ALG8: variants seen among roughly 807,000 people sequenced by gnomAD.
The protein encoded by ALG8 is ALG8 alpha-1,3-glucosyltransferase.
A neutral mutation model predicts 70.2 loss-of-function variants in ALG8; 48 were observed. The ratio of observed to expected loss-of-function variants is 0.68; its 90% CI spans 0.54 to 0.87. ALG8 has a LOEUF of 0.87. Among genes scored for constraint, ALG8 ranks in the 40% least tolerant of loss-of-function variants. The pLI is 0.00. For synonymous variants in ALG8, 234 were observed against 229.0 expected (o/e 1.02, Z -0.20); for missense variants, 572 against 608.7 (o/e 0.94, Z 0.64).
At chr11:78,138,828 C>G (rs1355038674) in intron 1 of ALG8, 1 of 456,112 alleles carries the variant, frequency 2.2e-6, no homozygotes, top group South Asian at 1.5e-5. Context: ...GTTATCTGTC[C>G]CCAGTGCACC....
At position 78,133,233 on chromosome 11, in the gene ALG8, C is replaced by G. The variant is rs564834920; in HGVS notation, c.96-5797G>C. On this transcript the variant is annotated intron_variant, in intron 1 of 12. Transcript: ENST00000299626. ...TATACTTACTGAACTACACACTTCA[C>G]AGGGCTAGGGATCATATCTATTTTT... 2.4e-4 allele frequency among the ~76,000 whole-genome samples: 36 copies of G among 152,308 alleles called. No individual in the cohort carries two copies. In the South Asian group the frequency reaches 6.4e-3, roughly 27 times the overall value.
intron 8 of ALG8, 66 bp from the exon 9 acceptor site, chr11:78,109,647 A>G: frequency 6.9e-7 from 1 of 1,443,602 alleles, no homozygotes; most frequent in Non-Finnish European, 9.7e-7. Context: ...TATATTAACA[A>G]TCAATTCCTT....
chr11:78,123,666 G>A (rs1196915167), intron 3 of ALG8, among the ~76,000 whole-genome samples: 5 of 152,042 alleles, frequency 3.3e-5, no homozygotes, highest in African/African-American at 1.2e-4. Flanking sequence ...CCTAAGATAG[G>A]GTAGGTGATG....
chr11:78,124,130 G>C lies in ALG8; in HGVS notation c.259C>G (p.Gln87Glu). The C allele has an allele frequency of 6.2e-7, 1 of 1,614,014 alleles. No individual in the cohort carries two copies. ...ILSHVAKYFD[Q>E]EMLNVHNLNY... ...AAATTATGGACATTCAGCATTTCTTGATCAAAATATTTGGCAACATGTGAC... is the reference window on the plus strand; with the variant it reads ...AAATTATGGACATTCAGCATTTCTTCATCAAAATATTTGGCAACATGTGAC... Residue 87 changes from glutamine (Q) to glutamate (E), a missense_variant, in exon 3 of 13, where the codon CAA becomes GAA. By Grantham distance (29) the Gln-to-Glu change is conservative. Transcript: ENST00000299626.
rs191941747 is a variant in ALG8, at chr11:78,132,102, T to A, written c.96-4666A>T. On this transcript the variant is annotated intron_variant, in intron 1 of 12. Transcript: ENST00000299626. ...CCTGCAACACTCTGTGTGAGGTAGG[T>A]TCTTTAACTCTTACCATTTCACCAG... is the stretch of plus-strand genomic sequence containing the variant. Among the ~76,000 whole-genome samples the A allele has an allele frequency of 6.1e-4, 93 of 152,174 alleles. 1 individual carries two copies. Among genetic ancestry groups the A allele is most frequent in the Non-Finnish European group, 2.6e-4 (18 of 68,040 alleles).
chr11:78,113,254 T>C (rs1860386732), intron 7 of ALG8, among the ~76,000 whole-genome samples: 3 of 152,258 alleles, frequency 2.0e-5, no homozygotes, highest in African/African-American at 7.2e-5. Flanking sequence ...TGCAAAATTA[T>C]TGATTTTGTT....
intron 5 of ALG8, chr11:78,114,926 T>G: frequency 5.2e-6 from 1 of 193,050 alleles, no homozygotes; most frequent in Non-Finnish European, 1.1e-5. Flanking sequence ...CAATGAGCCA[T>G]GATGACGACA....
chr11:78,112,277 C>G (rs1301592209), intron 8 of ALG8: 1 of 320,964 alleles, frequency 3.1e-6, no homozygotes, highest in Non-Finnish European at 6.1e-6. Flanking sequence ...GACCCTGTCT[C>G]TAAAAATAAG....
In ALG8 at chr11:78,108,440, G is replaced by T. The variant is rs1307182377; in HGVS notation, c.1038+1002C>A. 2.6e-5 allele frequency among the ~76,000 whole-genome samples: 4 copies of T among 151,812 alleles called. No individual in the cohort carries two copies. The East Asian group carries it at 5.8e-4, about 22-fold the overall frequency. On this transcript the variant is annotated intron_variant, in intron 9 of 12. Coordinates refer to ENST00000299626, the MANE Select transcript of ALG8 (RefSeq NM_024079.5). ...GTGAGACTCTGTCTCAAAAAAAAAA[G>T]AAATTAATTATACTATCAAAATTAA...
Position 78,119,221 on chromosome 11 carries a change from T to C in ALG8, c.507A>G (p.Leu169=). ...DHIHFQYNGF[L]FGLMLLSIAR... The stretch of plus-strand genomic sequence containing the variant: ...CAATGGAGAGTAGCATTAATCCAAA[T>C]AAAAAGCCATTGTACTGAAAATGAA... The change falls in exon 5 of 13, where the codon TTA becomes TTG. Residue 169 remains leucine (L), a synonymous_variant. Coordinates refer to ENST00000299626, the MANE Select transcript of ALG8 (RefSeq NM_024079.5). 1 of 1,612,014 alleles carries C rather than the reference T, an allele frequency of 6.2e-7. No individual in the cohort carries two copies. Among genetic ancestry groups the C allele is most frequent in the South Asian group, 1.1e-5 (1 of 91,030 alleles).
intron 1 of ALG8, among the ~76,000 whole-genome samples, chr11:78,128,354 C>T (rs1167864636): frequency 6.6e-6 from 1 of 152,152 alleles, no homozygotes; most frequent in East Asian, 1.9e-4. Flanking sequence ...CCAAAGTGAA[C>T]AATGAGTTCC....
chr11:78,124,737 A>G (rs1860988839), intron 2 of ALG8, among the ~76,000 whole-genome samples: 1 of 152,226 alleles, frequency 6.6e-6, no homozygotes. Context: ...CCTATTTGTA[A>G]AATGAGGTAT....
chr11:78,102,352 T>A (rs1260616166), intron 12 of ALG8, among the ~76,000 whole-genome samples: 1 of 152,236 alleles, frequency 6.6e-6, no homozygotes, highest in African/African-American at 2.4e-5. Flanking sequence ...TCACTTAGCA[T>A]GTTTTCAAGA....
chr11:78,102,428 A>G (rs999475000), intron 12 of ALG8, among the ~76,000 whole-genome samples: 2 of 152,194 alleles, frequency 1.3e-5, no homozygotes, highest in African/African-American at 4.8e-5. Context: ...CTATATGTAT[A>G]TATCACACTT....
chr11:78,115,892 A>G (rs748189426), intron 5 of ALG8, among the ~76,000 whole-genome samples: 24 of 152,228 alleles, frequency 1.6e-4, no homozygotes, highest in Non-Finnish European at 2.8e-4. Flanking sequence ...TTTCCAAAGA[A>G]GGGCTGGGAA....
At chr11:78,120,458 T>G (rs1860770508) in intron 4 of ALG8, among the ~76,000 whole-genome samples, 1 of 152,074 alleles carries the variant, frequency 6.6e-6, no homozygotes, top group Non-Finnish European at 1.5e-5. Flanking sequence ...GATTAAGAAA[T>G]TAAGCCTCAG....
intron 5 of ALG8, 165 bp from the exon 6 acceptor site, chr11:78,114,557 T>C (rs1860469955): frequency 2.5e-6 from 2 of 795,884 alleles, no homozygotes; most frequent in East Asian, 2.7e-5. Context: ...GAATGTACCA[T>C]GGTTATGTAA....
chr11:78,127,270 C>A (rs1051011098), intron 2 of ALG8, 88 bp downstream of exon 2: 10 of 1,271,554 alleles, frequency 7.9e-6, no homozygotes, highest in Non-Finnish European at 1.1e-5. Flanking sequence ...AGCCACCGCA[C>A]CCAGCCAGAA....
intron 1 of ALG8, chr11:78,135,357 A>G (rs2136950251): frequency 6.6e-6 from 1 of 151,026 alleles, no homozygotes; most frequent in African/African-American, 2.4e-5. Flanking sequence ...CCTGTTTCAA[A>G]AAAAAAAAAA....
Sources: allele counts gnomAD v4.1 joint callset (sites outside exome capture counted in the v4.1 genomes callset), GRCh38; gene constraint gnomAD v4.1.1; transcripts MANE v1.5; gene names NCBI Gene and HGNC (gene_info 2026-07-23, HGNC 2026-07-21).